Variants in SLC6A13 observed in about 807,000 individuals in gnomAD.
SLC6A13 encodes sodium- and chloride-dependent GABA transporter 2.
A neutral mutation model predicts 72.9 loss-of-function variants in SLC6A13; 69 were observed. That is an observed-to-expected ratio of 0.95 (90% CI 0.78 to 1.16). The LOEUF (loss-of-function observed/expected upper bound fraction) is 1.16, where lower values mean the gene tolerates loss of function less well. Ranked by LOEUF, SLC6A13 falls within the 50% of genes most tolerant of loss-of-function variation. The pLI is 0.00. For missense variants in SLC6A13, 735 were observed against 760.5 expected, an observed-to-expected ratio of 0.97 and a Z score of 0.39; for synonymous variants, 303 against 303.0, an observed-to-expected ratio of 1.00 and a Z score of 0.00.
intron 2 of SLC6A13, among the ~76,000 whole-genome samples, chr12:246,079 C>G (rs992879747): frequency 1.3e-5 from 2 of 151,238 alleles, no homozygotes; most frequent in African/African-American, 4.9e-5. Flanking sequence ...GATTGTGCCA[C>G]TGCAATCCAG....
At chr12:260,137 A>G (rs921446361) in intron 1 of SLC6A13, 80 bp from the exon 2 acceptor site, 1 of 1,466,584 alleles carries the variant, frequency 6.8e-7, no homozygotes, top group Non-Finnish European at 9.4e-7. Flanking sequence ...CAACAAATCC[A>G]TAAGGGAATG....
Position 224,466 on chromosome 12 carries a change from G to A in SLC6A13, c.1108C>T (p.Pro370Ser). The change falls in exon 10 of 15, where the codon CCC becomes TCC. Residue 370 changes from proline (P) to serine (S), a missense_variant. Physicochemically the swap from Pro to Ser is moderately conservative, Grantham distance 74 (BLOSUM62 -1). Coordinates refer to ENST00000343164, the MANE Select transcript of SLC6A13 (RefSeq NM_016615.5). Reference sequence around the variant, plus strand: ...CAGCAGGCCCAGAGAGGAGAGAAGGGCAGCATCACCACAGCCCGCGGGTAA... The same window carrying A: ...CAGCAGGCCCAGAGAGGAGAGAAGGACAGCATCACCACAGCCCGCGGGTAA... ...IAYPRAVVML[P>S]FSPLWACCFF... 1 of 1,614,118 alleles carries A rather than the reference G, an allele frequency of 6.2e-7. No individual in the cohort carries two copies. The highest frequency in any genetic ancestry group is 8.5e-7 in the Non-Finnish European group (1 of 1,180,026).
chr12:261,966 T>C (rs999800555), intron 1 of SLC6A13, among the ~76,000 whole-genome samples: 2 of 150,856 alleles, frequency 1.3e-5, no homozygotes, highest in African/African-American at 4.9e-5. Context: ...ACAGCAGGCA[T>C]CTATGTTTAT....
At chr12:224,662 A>G in intron 9 of SLC6A13, 149 bp from the exon 10 acceptor site, 1 of 626,188 alleles carries the variant, frequency 1.6e-6, no homozygotes, top group South Asian at 1.9e-5. Context: ...GTCCTCACCT[A>G]GGAGAAGCCA....
intron 8 of SLC6A13, chr12:226,768 A>G (rs771596158): frequency 1.1e-5 from 4 of 367,950 alleles, no homozygotes; most frequent in Non-Finnish European, 2.0e-5. Context: ...GCTCCAGGGA[A>G]GCAAAACATG....
intron 2 of SLC6A13, among the ~76,000 whole-genome samples, chr12:249,307 T>A (rs1221013243): frequency 6.6e-6 from 1 of 151,928 alleles, no homozygotes. Context: ...GAAATAAAAA[T>A]CAGAGTGGAA....
At position 250,047 on chromosome 12, in the gene SLC6A13, T is replaced by C. The variant is rs889854654; in HGVS notation, c.203-6234A>G. 4.6e-5 allele frequency among the ~76,000 whole-genome samples: 7 copies of C among 152,104 alleles called. 1 individual carries two copies. Among genetic ancestry groups the C allele is most frequent in the African/African-American group, 1.7e-4 (7 of 41,452 alleles). On this transcript the variant is annotated intron_variant, in intron 2 of 14. Coordinates refer to ENST00000343164, the MANE Select transcript of SLC6A13 (RefSeq NM_016615.5). ...TTAACAAATTACAAAAGAAAAACTA[T>C]ATGATCATTTCATAGGTACAGTAAA...
chr12:223,128 T>C lies in SLC6A13; in HGVS notation c.1414+4A>G. On this transcript the variant is annotated splice_donor_region_variant and intron_variant, in intron 12 of 14. Coordinates refer to ENST00000343164, the MANE Select transcript of SLC6A13 (RefSeq NM_016615.5). ...TGCTGGGACCTAGGGGAGGAGTCAC[T>C]CACCGTAAACCCAAGCCACACAGAG... 1 of 1,595,314 alleles carries C rather than the reference T, an allele frequency of 6.3e-7. No individual in the cohort carries two copies. The highest frequency in any genetic ancestry group is 8.6e-7 in the Non-Finnish European group (1 of 1,163,356).
chr12:242,666 G>A lies in SLC6A13; in HGVS notation c.426C>T (p.Ser142=), dbSNP rs780767448. 5.0e-6 allele frequency: 8 copies of A among 1,613,444 alleles called. 1 individual carries two copies. In the South Asian group the frequency reaches 8.8e-5, roughly 18 times the overall value. ...VLAWALFYLF[S]SFTIDLPWGG... is the part of the protein sequence containing the mutation. ...CCCAGGGCAGGTCGATGGTGAAGCT[G>A]CTGAAGAGGTAGAACAGGGCCCAGG... The change falls in exon 4 of 15, where the codon AGC becomes AGT. Residue 142 remains serine (S), a synonymous_variant. Coordinates refer to ENST00000343164, the MANE Select transcript of SLC6A13 (RefSeq NM_016615.5).
chr12:226,510 A>C lies in SLC6A13; in HGVS notation c.940T>G (p.Cys314Gly). 2 of 1,613,776 alleles carry C rather than the reference A, an allele frequency of 1.2e-6. No individual in the cohort carries two copies. The highest frequency in any genetic ancestry group is 1.7e-6 in the Non-Finnish European group (2 of 1,179,782). ...CTGTTGAGGAAGCAGAGGGCGATGC[A>C]GTCCCTGTGGGGCAGGGGTGAGGAG... ...NKYHNNCYRD[C>G]IALCFLNSGT... The change falls in exon 9 of 15, where the codon TGC (cysteine) becomes GGC (glycine). Residue 314 changes from cysteine to glycine, a missense_variant. Coordinates refer to ENST00000343164, the MANE Select transcript of SLC6A13 (RefSeq NM_016615.5).
chr12:238,063 T>C, intron 4 of SLC6A13, 53 bp from the exon 5 acceptor site: 1 of 1,589,274 alleles, frequency 6.3e-7, no homozygotes, highest in Non-Finnish European at 8.6e-7. Flanking sequence ...AGCCAGCCTA[T>C]GACACAACTG....
At chr12:244,519 T>C (rs139951410) in intron 2 of SLC6A13, among the ~76,000 whole-genome samples, 1 of 152,058 alleles carries the variant, frequency 6.6e-6, no homozygotes. Flanking sequence ...GAAAACTCTG[T>C]CTCTAAAAGA....
chr12:222,062 C>T (rs1416989282), intron 13 of SLC6A13, among the ~76,000 whole-genome samples: 1 of 152,250 alleles, frequency 6.6e-6, no homozygotes, highest in Admixed American at 6.5e-5. Flanking sequence ...GGGCCAGTGG[C>T]TTAACAACCT....
At position 223,976 on chromosome 12, in the gene SLC6A13, C is replaced by T. The variant is rs1364889833; in HGVS notation, c.1311+16G>A. 6.2e-7 allele frequency: 1 copy of T among 1,612,832 alleles called. No homozygotes were observed. Among genetic ancestry groups the T allele is most frequent in the South Asian group, 1.1e-5 (1 of 91,068 alleles). On this transcript the variant is annotated intron_variant, in intron 11 of 14. Transcript: ENST00000343164. The stretch of plus-strand genomic sequence containing the variant: ...GCTCCTCCTCCCCAGCCTTCCCCCG[C>T]TTCCCAGGCCCTCACCTCTGTGAGC...
intron 9 of SLC6A13, among the ~76,000 whole-genome samples, chr12:226,102 A>G (rs2137257328): frequency 6.6e-6 from 1 of 152,332 alleles, no homozygotes. Context: ...TTTCTCATAT[A>G]TGTCTAAACT....
chr12:228,600 A>C, intron 7 of SLC6A13, among the ~76,000 whole-genome samples: 1 of 150,530 alleles, frequency 6.6e-6, no homozygotes, highest in Non-Finnish European at 1.5e-5. Flanking sequence ...TCCTTTCATC[A>C]CTCTCTTCCG....
chr12:240,740 AC>A (rs777160151), intron 4 of SLC6A13, among the ~76,000 whole-genome samples: 13 of 152,284 alleles, frequency 8.5e-5, no homozygotes, highest in Admixed American at 2.0e-4. Context: ...TTTAACAAGA[AC>A]CTAATGCCAT....
intron 4 of SLC6A13, among the ~76,000 whole-genome samples, chr12:239,212 GCA>G (rs1365279899): frequency 1.0e-5 from 1 of 98,548 alleles, no homozygotes; most frequent in Non-Finnish European, 2.5e-5. Flanking sequence ...CCTGTTCCCT[GCA>G]CACATGGGTT....
intron 9 of SLC6A13, among the ~76,000 whole-genome samples, 191 bp downstream of exon 9, chr12:226,199 C>G (rs1941444831): frequency 6.6e-6 from 1 of 152,190 alleles, no homozygotes; most frequent in African/African-American, 2.4e-5. Context: ...GAAAAATGTT[C>G]ACTGTAGGCC....
Sources: allele counts gnomAD v4.1 joint callset (sites outside exome capture counted in the v4.1 genomes callset), GRCh38; gene constraint gnomAD v4.1.1; transcripts MANE v1.5; gene names NCBI Gene and HGNC (gene_info 2026-07-23, HGNC 2026-07-21).